The following TBC1D5 variants were observed in gnomAD, a reference collection of about 807,000 sequenced individuals.
The protein encoded by TBC1D5 is TBC1 domain family, member 5.
TBC1D5 carries 75 observed loss-of-function variants against 100.3 expected under a neutral mutation model. That is an observed-to-expected ratio of 0.75 (90% CI 0.62 to 0.91). The LOEUF (loss-of-function observed/expected upper bound fraction) is 0.91. Among genes scored for constraint, TBC1D5 ranks in the 40% least tolerant of loss-of-function variants. The pLI, the probability that TBC1D5 is intolerant of heterozygous loss-of-function variation, is 0.00. For missense variants in TBC1D5, 910 were observed against 942.4 expected (o/e 0.97, Z 0.45); for synonymous variants, 323 against 325.6 (o/e 0.99, Z 0.09).
chr3:17,184,938 T>C (rs2068843118), intron 19 of TBC1D5, 171 bp downstream of exon 20: 1 of 433,250 alleles, frequency 2.3e-6, no homozygotes, highest in Non-Finnish European at 4.1e-6. Flanking sequence ...GGTTTCTTCA[T>C]CTATATAATG....
chr3:17,354,479 C>T (rs1295910685), intron 13 of TBC1D5, among the ~76,000 whole-genome samples: 16 of 152,170 alleles, frequency 1.1e-4, no homozygotes, highest in Middle Eastern at 6.8e-3. Flanking sequence ...ATAAAGATGT[C>T]AGCTATTGAG....
chr3:17,361,977 T>C (rs1271014448), intron 13 of TBC1D5, among the ~76,000 whole-genome samples: 3 of 152,234 alleles, frequency 2.0e-5, no homozygotes, highest in Non-Finnish European at 4.4e-5. Flanking sequence ...TCAATTTTAT[T>C]GATAAACTTG....
intron 2 of TBC1D5, among the ~76,000 whole-genome samples, chr3:17,556,141 A>C (rs573337425): frequency 2.0e-5 from 3 of 152,148 alleles, no homozygotes; most frequent in African/African-American, 7.2e-5. Flanking sequence ...CAGTGTCCCA[A>C]GTAGCTGGGA....
intron 17 of TBC1D5, among the ~76,000 whole-genome samples, chr3:17,225,476 A>G (rs2074781845): frequency 6.6e-6 from 1 of 150,796 alleles, no homozygotes; most frequent in African/African-American, 2.4e-5. Context: ...AACACCAACC[A>G]AACAGTACAA....
chr3:17,450,611 G>A (rs1432701375), intron 3 of TBC1D5, among the ~76,000 whole-genome samples: 1 of 152,086 alleles, frequency 6.6e-6, no homozygotes, highest in Non-Finnish European at 1.5e-5. Flanking sequence ...CAGCAGAATC[G>A]ATCAAGTGGA....
intron 13 of TBC1D5, among the ~76,000 whole-genome samples, chr3:17,313,075 T>C (rs2150701926): frequency 6.6e-6 from 1 of 152,280 alleles, no homozygotes; most frequent in South Asian, 2.1e-4. Context: ...ATGATGGTAA[T>C]AGTCTAATAC....
chr3:17,461,348 A>G (rs1167847804), intron 3 of TBC1D5, among the ~76,000 whole-genome samples: 1 of 152,176 alleles, frequency 6.6e-6, no homozygotes, highest in Admixed American at 6.5e-5. Context: ...TCTTATGTAC[A>G]TACTGTGGGC....
chr3:17,227,709 T>A (rs1576121966), intron 17 of TBC1D5, among the ~76,000 whole-genome samples: 1 of 150,902 alleles, frequency 6.6e-6, no homozygotes, highest in South Asian at 2.1e-4. Flanking sequence ...ATGTGGAGGG[T>A]GGGAGGAGGG....
chr3:17,552,282 C>T (rs2096481332), intron 2 of TBC1D5, among the ~76,000 whole-genome samples: 3 of 152,006 alleles, frequency 2.0e-5, no homozygotes, highest in East Asian at 3.8e-4. Flanking sequence ...AAAGCTCCCT[C>T]CTGTTAGAGA....
At chr3:17,693,837 C>T (rs2071566346) in intron 1 of TBC1D5, among the ~76,000 whole-genome samples, 1 of 152,196 alleles carries the variant, frequency 6.6e-6, no homozygotes, top group African/African-American at 2.4e-5. Flanking sequence ...TAGGGGCCGA[C>T]AGACACCTCA....
intron 18 of TBC1D5, among the ~76,000 whole-genome samples, chr3:17,194,914 A>G: frequency 6.6e-6 from 1 of 152,248 alleles, no homozygotes; most frequent in Non-Finnish European, 1.5e-5. Flanking sequence ...AAATATCTAA[A>G]GTAAAGTAAA....
At chr3:17,337,264 T>A (rs1018983437) in intron 13 of TBC1D5, 1 of 151,592 alleles carries the variant, frequency 6.6e-6, no homozygotes, top group East Asian at 1.9e-4. Flanking sequence ...AGGGACCACA[T>A]CTTAAGAATT....
rs149022533 is a variant in TBC1D5, at chr3:17,516,505, C to A, written c.-35-7900G>T. On this transcript the variant is annotated intron_variant, in intron 2 of 21. Coordinates refer to ENST00000253692, the Ensembl canonical transcript of TBC1D5. The stretch of plus-strand genomic sequence containing the variant: ...TAATGTTTTGAAAATAATGTTACAG[C>A]AGAAATTGTCATTCACCAACCTTAT... 3.7e-3 allele frequency among the ~76,000 whole-genome samples: 560 copies of A among 152,222 alleles called. 3 individuals carry two copies. Among genetic ancestry groups the A allele is most frequent in the Middle Eastern group, 0.014 (4 of 294 alleles).
chr3:17,399,258 C>T (rs1225822387), intron 8 of TBC1D5, among the ~76,000 whole-genome samples: 1 of 151,956 alleles, frequency 6.6e-6, no homozygotes, highest in Non-Finnish European at 1.5e-5. Flanking sequence ...TATAAATCTG[C>T]TTTGAGTAGA....
intron 3 of TBC1D5, among the ~76,000 whole-genome samples, chr3:17,436,164 T>C (rs551170311): frequency 1.3e-5 from 2 of 152,340 alleles, no homozygotes; most frequent in African/African-American, 4.8e-5. Flanking sequence ...GGCATTAAAG[T>C]ATCATAATTA....
chr3:17,673,307 T>C (rs1454579966), intron 1 of TBC1D5, among the ~76,000 whole-genome samples: 1 of 111,806 alleles, frequency 8.9e-6, no homozygotes, highest in Non-Finnish European at 2.0e-5. Context: ...CTTTCTTTTC[T>C]TTTCTTTTTT....
intron 1 of TBC1D5, among the ~76,000 whole-genome samples, chr3:17,635,884 C>A (rs1438950311): frequency 6.6e-6 from 1 of 152,024 alleles, no homozygotes; most frequent in African/African-American, 2.4e-5. Flanking sequence ...GCTGGGAGGG[C>A]AAGTGACATT....
chr3:17,728,525 T>C (rs925626943), intron 1 of TBC1D5, among the ~76,000 whole-genome samples: 3 of 152,142 alleles, frequency 2.0e-5, no homozygotes, highest in East Asian at 1.9e-4. Context: ...CTGATACATA[T>C]AGAGACAAAC....
intron 2 of TBC1D5, among the ~76,000 whole-genome samples, chr3:17,556,836 G>A (rs922724085): frequency 6.6e-6 from 1 of 152,154 alleles, no homozygotes; most frequent in Non-Finnish European, 1.5e-5. Context: ...ATACAGAAGT[G>A]AACTATACTC....
Sources: allele counts gnomAD v4.1 joint callset (sites outside exome capture counted in the v4.1 genomes callset), GRCh38; gene constraint gnomAD v4.1.1; transcripts MANE v1.5; gene names NCBI Gene and HGNC (gene_info 2026-07-23, HGNC 2026-07-21).